Variants in TTC21B observed in about 807,000 individuals in gnomAD.
The protein encoded by TTC21B is tetratricopeptide repeat protein 21B.
A neutral mutation model predicts 175.1 loss-of-function variants in TTC21B; 127 were observed. The observed-to-expected ratio is 0.73, with a 90% CI of 0.63 to 0.84. The LOEUF (loss-of-function observed/expected upper bound fraction) is 0.84. Ranked by LOEUF, TTC21B falls within the 40% of genes least tolerant of loss-of-function variation. TTC21B has a pLI of 0.00. For missense variants in TTC21B, 1,561 were observed against 1,558.3 expected, an observed-to-expected ratio of 1.00 and a Z score of -0.03; for synonymous variants, 524 against 524.5, an observed-to-expected ratio of 1.00 and a Z score of 0.01.
intron 3 of TTC21B, 41 bp from the exon 4 acceptor site, chr2:165,945,731 G>T (rs1335426840): frequency 1.3e-6 from 2 of 1,594,738 alleles, no homozygotes. Flanking sequence ...TTAAATTCTG[G>T]ATCAGGTATT....
intron 15 of TTC21B, 112 bp from the exon 16 acceptor site, chr2:165,913,758 G>A (rs542072158): frequency 2.3e-6 from 2 of 859,726 alleles, no homozygotes; most frequent in South Asian, 3.0e-5. Flanking sequence ...AGCCTTCAGA[G>A]TATCTCTATA....
chr2:165,898,503 C>T (rs1685446311), intron 22 of TTC21B, 183 bp downstream of exon 22: 1 of 648,640 alleles, frequency 1.5e-6, no homozygotes, highest in Non-Finnish European at 2.8e-6. Flanking sequence ...TAAAGTGAGA[C>T]CAGTCAACAG....
At chr2:165,926,716 C>T (rs1009813452) in intron 11 of TTC21B, among the ~76,000 whole-genome samples, 1 of 151,876 alleles carries the variant, frequency 6.6e-6, no homozygotes, top group South Asian at 2.1e-4. Context: ...TTTGGGTGGG[C>T]ACTGTCTAAT....
At chr2:165,925,687 A>G (rs1161235026) in intron 11 of TTC21B, among the ~76,000 whole-genome samples, 1 of 152,194 alleles carries the variant, frequency 6.6e-6, no homozygotes, top group African/African-American at 2.4e-5. Context: ...TATATAATCT[A>G]TATAATAAAA....
intron 8 of TTC21B, 115 bp from the exon 9 acceptor site, chr2:165,930,479 GA>G (rs1310651249): frequency 1.8e-5 from 12 of 681,220 alleles, no homozygotes; most frequent in Non-Finnish European, 2.4e-5. Flanking sequence ...TGATGAAAAA[GA>G]AAAAAATTAA....
In TTC21B at chr2:165,924,630, A is replaced by T. The variant is rs1686555769; in HGVS notation, c.1435T>A (p.Ser479Thr). The T allele has an allele frequency of 6.2e-7, 1 of 1,613,678 alleles. No individual in the cohort carries two copies. The change falls in exon 12 of 29, where the codon TCA becomes ACA. Residue 479 changes from serine to threonine, a missense_variant. By Grantham distance (58) the Ser-to-Thr change is moderately conservative (BLOSUM62 1). Transcript: ENST00000243344. ...PLCPLLRRCI[S>T]VLETVVRTVP... is the part of the protein sequence containing the mutation. The stretch of plus-strand genomic sequence containing the variant: ...GTTCTTACTACAGTCTCCAGGACTG[A>T]GATGCAACGCCTGAGAAGTGGACAA...
At chr2:165,910,532 G>A (rs1685894966) in intron 18 of TTC21B, among the ~76,000 whole-genome samples, 1 of 152,068 alleles carries the variant, frequency 6.6e-6, no homozygotes, top group South Asian at 2.1e-4. Context: ...ATATGCAAAT[G>A]TACACTAAGG....
At chr2:165,890,449 T>TA in intron 24 of TTC21B, 30 bp downstream of exon 24, 4 of 1,610,116 alleles carry the variant, frequency 2.5e-6, no homozygotes, top group Non-Finnish European at 2.5e-6. Context: ...AAGTGTTTTT[T>TA]AAAAAAGGAT....
chr2:165,903,133 C>T (rs1301031013), intron 19 of TTC21B, among the ~76,000 whole-genome samples: 1 of 152,220 alleles, frequency 6.6e-6, no homozygotes, highest in Non-Finnish European at 1.5e-5. Flanking sequence ...CCCCAGAGGA[C>T]AGTTGTCCCT....
chr2:165,901,635 T>A, intron 20 of TTC21B, 87 bp downstream of exon 20: 4 of 1,358,018 alleles, frequency 2.9e-6, no homozygotes, highest in Non-Finnish European at 4.2e-6. Context: ...CATCTTCTTT[T>A]AAAATAAGCT....
At chr2:165,900,752 A>T (rs1283764920) in intron 20 of TTC21B, among the ~76,000 whole-genome samples, 2 of 151,518 alleles carry the variant, frequency 1.3e-5, no homozygotes, top group Admixed American at 1.3e-4. Context: ...TTTAAAATTA[A>T]TTTTTGATAA....
At position 165,918,430 on chromosome 2, in the gene TTC21B, G is replaced by C. The variant is rs1686261163; in HGVS notation, c.1674+846C>G. 2.6e-5 allele frequency among the ~76,000 whole-genome samples: 4 copies of C among 152,124 alleles called. 1 individual carries two copies. In the South Asian group the frequency reaches 8.3e-4, roughly 32 times the overall value. ...CTGCCTCAGTCTCCCGAGTAGCTGG[G>C]ACTACAGGCACCCGCCACCACGCCT... On this transcript the variant is annotated intron_variant, in intron 13 of 28. Coordinates refer to ENST00000243344, the MANE Select transcript of TTC21B (RefSeq NM_024753.5).
In TTC21B at chr2:165,874,395, G is replaced by T. The variant is rs923460925; in HGVS notation, c.*360C>A. 4.1e-5 allele frequency: 7 copies of T among 169,064 alleles called. No individual in the cohort carries two copies. The highest frequency in any genetic ancestry group is 5.8e-5 in the Admixed American group (1 of 17,138). The allele number at this position is 169,064 out of a possible 1,614,324, so 10.5% of individuals were successfully genotyped here. ...AATATAACAAAAACACTTTAAAAGA[G>T]AACAATGCATTTTAAATATATTTCC... On this transcript the variant is annotated 3_prime_UTR_variant, in exon 29 of 29. Transcript: ENST00000243344.
intron 21 of TTC21B, 148 bp from the exon 22 acceptor site, chr2:165,898,915 C>A: frequency 1.5e-6 from 1 of 674,050 alleles, no homozygotes; most frequent in South Asian, 1.6e-5. Flanking sequence ...AAGATTCAAG[C>A]CCACCTTGTG....
chr2:165,939,446 A>G (rs980290048), intron 6 of TTC21B, among the ~76,000 whole-genome samples: 3 of 152,174 alleles, frequency 2.0e-5, no homozygotes, highest in African/African-American at 7.2e-5. Flanking sequence ...TTCTATTAAG[A>G]CATTCTGATT....
intron 11 of TTC21B, among the ~76,000 whole-genome samples, chr2:165,926,263 C>CA (rs1296383328): frequency 1.3e-5 from 2 of 152,134 alleles, no homozygotes; most frequent in Non-Finnish European, 2.9e-5. Flanking sequence ...CTTGTTCTAT[C>CA]TACAGTTTAT....
chr2:165,883,700 G>T, intron 26 of TTC21B, 94 bp downstream of exon 26: 2 of 991,670 alleles, frequency 2.0e-6, no homozygotes, highest in Non-Finnish European at 3.2e-6. Flanking sequence ...AATCACACAG[G>T]AATCCTTGGA....
intron 24 of TTC21B, 119 bp downstream of exon 24, chr2:165,890,360 A>T: frequency 3.3e-6 from 3 of 909,792 alleles, no homozygotes; most frequent in Non-Finnish European, 5.1e-6. Context: ...CTATTTATTT[A>T]ATTTATTCAT....
intron 16 of TTC21B, among the ~76,000 whole-genome samples, chr2:165,913,085 CT>C (rs1686015779): frequency 6.6e-6 from 1 of 152,036 alleles, no homozygotes; most frequent in African/African-American, 2.4e-5. Context: ...GTCACCCAGG[CT>C]GGAGTGCAGT....
Sources: allele counts gnomAD v4.1 joint callset (sites outside exome capture counted in the v4.1 genomes callset), GRCh38; gene constraint gnomAD v4.1.1; transcripts MANE v1.5; gene names NCBI Gene and HGNC (gene_info 2026-07-23, HGNC 2026-07-21).